The following MMP24 variants were observed in gnomAD, a reference collection of about 807,000 sequenced individuals.
The protein encoded by MMP24 is matrix metalloproteinase-24.
A neutral mutation model predicts 62.8 loss-of-function variants in MMP24; 25 were observed. The ratio of observed to expected loss-of-function variants is 0.40; its 90% CI spans 0.29 to 0.56. MMP24 has a LOEUF of 0.56. Ranked by LOEUF, MMP24 falls within the 20% of genes least tolerant of loss-of-function variation. The pLI, the probability that MMP24 is intolerant of heterozygous loss-of-function variation, is 0.50. For synonymous variants in MMP24, 319 were observed against 350.5 expected, an observed-to-expected ratio of 0.91 and a Z score of 1.00; for missense variants, 634 against 853.6, an observed-to-expected ratio of 0.74 and a Z score of 3.21.
rs142057986 is a variant in MMP24 at position 35,247,091 on chromosome 20, A to G, written c.395+103A>G. 13 of 1,379,346 alleles carry G rather than the reference A, an allele frequency of 9.4e-6. No homozygotes were observed. The African/African-American group carries it at 1.3e-4, about 14-fold the overall frequency. The allele number at this position is 1,379,346 out of a possible 1,614,324, so 85.4% of individuals were successfully genotyped here. A position where few individuals can be genotyped will look rare whatever the true frequency, so the allele number is the denominator to read the frequency against. ...CACCCCATGCCCATCCTCCCTTCCT[A>G]TCTTTTATTCCTGCAGTGCCATCCT... On this transcript the variant is annotated intron_variant, in intron 2 of 8. Coordinates refer to ENST00000246186, the MANE Select transcript of MMP24 (RefSeq NM_006690.4).
At chr20:35,237,920 C>T (rs1031417843) in intron 1 of MMP24, among the ~76,000 whole-genome samples, 1 of 152,126 alleles carries the variant, frequency 6.6e-6, no homozygotes, top group Non-Finnish European at 1.5e-5. Flanking sequence ...CAGCTTAGAA[C>T]TTGAATGCTA....
intron 1 of MMP24, among the ~76,000 whole-genome samples, chr20:35,246,503 G>A (rs1372915819): frequency 5.3e-5 from 8 of 152,068 alleles, no homozygotes; most frequent in Non-Finnish European, 1.0e-4. Flanking sequence ...TAACCATGCT[G>A]TGCTTTTCCA....
intron 1 of MMP24, among the ~76,000 whole-genome samples, chr20:35,241,494 C>T (rs1003645405): frequency 6.6e-6 from 1 of 152,128 alleles, no homozygotes; most frequent in African/African-American, 2.4e-5. Context: ...AGAGAATACA[C>T]TAATACTGGC....
rs1369087384 is a variant in MMP24, at chr20:35,274,707, C to G, written c.*98C>G. On this transcript the variant is annotated 3_prime_UTR_variant, in exon 9 of 9. Transcript: ENST00000246186. This position sits in a 1 kb window ranked among gnomAD's most constrained non-coding sequence, Gnocchi z 5.1. ...TCTGGCCAGTGCTCACCAGGGCCAG[C>G]AGGGCCCTAGGCTGGGGTCGTACAG... 9 of 1,086,970 alleles carry G rather than the reference C, an allele frequency of 8.3e-6. No individual in the cohort carries two copies. The highest frequency in any genetic ancestry group is 3.2e-5 in the African/African-American group (2 of 62,814). The allele number at this position is 1,086,970 out of a possible 1,614,324, so 67.3% of individuals were successfully genotyped here. A position where few individuals can be genotyped will look rare whatever the true frequency, so the allele number is the denominator to read the frequency against.
chr20:35,269,685 G>A lies in MMP24; in HGVS notation c.1195-75G>A, dbSNP rs2060656282. 2 of 1,513,842 alleles carry A rather than the reference G, an allele frequency of 1.3e-6. No homozygotes were observed. The highest frequency in any genetic ancestry group is 2.5e-5 in the East Asian group (1 of 40,698). 93.8% of individuals were successfully genotyped at this position (1,513,842 alleles called of 1,614,324 possible). A position where few individuals can be genotyped will look rare whatever the true frequency, so the allele number is the denominator to read the frequency against. On this transcript the variant is annotated intron_variant, in intron 6 of 8. Transcript: ENST00000246186. This position sits in a 1 kb window ranked among gnomAD's most constrained non-coding sequence, Gnocchi z 4.6. ...GGAGGGCTGGGCTGTTGGGACCTAAGCCCCACAGCTGCAATCACTGGGTTC... is the reference window on the plus strand; with the variant it reads ...GGAGGGCTGGGCTGTTGGGACCTAAACCCCACAGCTGCAATCACTGGGTTC...
intron 3 of MMP24, among the ~76,000 whole-genome samples, chr20:35,253,629 A>G (rs1394063824): frequency 6.6e-6 from 1 of 152,070 alleles, no homozygotes; most frequent in Non-Finnish European, 1.5e-5. Context: ...TTTGTGAAGA[A>G]CCAATGCAAT....
intron 6 of MMP24, among the ~76,000 whole-genome samples, chr20:35,267,724 A>T (rs2060643454): frequency 6.6e-6 from 1 of 152,202 alleles, no homozygotes; most frequent in Admixed American, 6.5e-5. Context: ...TCTCCATCCG[A>T]AACCTGGGGG....
At chr20:35,234,712 G>A (rs575832624) in intron 1 of MMP24, among the ~76,000 whole-genome samples, 4 of 152,316 alleles carry the variant, frequency 2.6e-5, no homozygotes, top group African/African-American at 9.6e-5. Flanking sequence ...GGTACTTGAG[G>A]TGAGCAATAA....
chr20:35,254,799 G>A lies in MMP24; in HGVS notation c.817+45G>A, dbSNP rs1241435393. 6.5e-6 allele frequency: 10 copies of A among 1,544,436 alleles called. No homozygotes were observed. The African/African-American group carries it at 1.2e-4, about 19-fold the overall frequency. On this transcript the variant is annotated intron_variant, in intron 4 of 8. Transcript: ENST00000246186. ...GGGGTCAGTCTTGGGCTGCTCAGTTGTTGGGAAAGAACTTGGAGGACATCC... is the reference window on the plus strand; with the variant it reads ...GGGGTCAGTCTTGGGCTGCTCAGTTATTGGGAAAGAACTTGGAGGACATCC...
chr20:35,249,652 G>A (rs1262421017), intron 2 of MMP24, among the ~76,000 whole-genome samples: 1 of 151,876 alleles, frequency 6.6e-6, no homozygotes, highest in Non-Finnish European at 1.5e-5. Context: ...GCAGTGGCGG[G>A]ATCTCGGCTC....
intron 1 of MMP24, among the ~76,000 whole-genome samples, chr20:35,236,535 G>A (rs546356041): frequency 2.2e-4 from 34 of 152,320 alleles, no homozygotes; most frequent in African/African-American, 8.2e-4. Flanking sequence ...GGGTAGAGGA[G>A]GAAGCAGGGT....
intron 8 of MMP24, among the ~76,000 whole-genome samples, chr20:35,273,272 T>C (rs2060683094): frequency 6.6e-6 from 1 of 151,818 alleles, no homozygotes; most frequent in South Asian, 2.1e-4. Flanking sequence ...GACATGTGCC[T>C]GTAGTCCCAG....
At chr20:35,238,988 C>T (rs757028240) in intron 1 of MMP24, among the ~76,000 whole-genome samples, 1 of 152,188 alleles carries the variant, frequency 6.6e-6, no homozygotes, top group Non-Finnish European at 1.5e-5. Context: ...ATCTTCCTGC[C>T]ACAGTCTCCA....
chr20:35,256,961 C>T (rs1161010559), intron 4 of MMP24, among the ~76,000 whole-genome samples: 1 of 152,114 alleles, frequency 6.6e-6, no homozygotes. Flanking sequence ...CCAGGCCCTT[C>T]CCACAGAAAT....
At chr20:35,261,227 CA>C (rs2060600974) in intron 4 of MMP24, among the ~76,000 whole-genome samples, 2 of 152,180 alleles carry the variant, frequency 1.3e-5, no homozygotes, top group Admixed American at 6.5e-5. Context: ...TACAGAAGCC[CA>C]GGGGAGTTGG....
At chr20:35,264,010 A>G in intron 5 of MMP24, 58 bp downstream of exon 5, 1 of 1,505,922 alleles carries the variant, frequency 6.6e-7, no homozygotes, top group Non-Finnish European at 8.9e-7. Flanking sequence ...GTGACTGCCT[A>G]CCTGTCATGG....
At chr20:35,249,590 TTC>T (rs1472352539) in intron 2 of MMP24, among the ~76,000 whole-genome samples, 1 of 150,142 alleles carries the variant, frequency 6.7e-6, no homozygotes, top group Non-Finnish European at 1.5e-5. Flanking sequence ...GAATAATAAT[TTC>T]TTTTTTTTTT....
rs1009723064 is a variant in MMP24, at chr20:35,276,453, G to A, written c.*1844G>A. 2 of 397,308 alleles carry A rather than the reference G, an allele frequency of 5.0e-6. No homozygotes were observed. Among genetic ancestry groups the A allele is most frequent in the African/African-American group, 2.1e-5 (1 of 48,618 alleles). The allele number at this position is 397,308 out of a possible 1,614,324, so 24.6% of individuals were successfully genotyped here. On this transcript the variant is annotated 3_prime_UTR_variant, in exon 9 of 9. Coordinates refer to ENST00000246186, the MANE Select transcript of MMP24 (RefSeq NM_006690.4). ...GACGGTAACTCTCACCGTGCCCTCA[G>A]ATGAAGCACAGAGAGGTTGTTACTT...
intron 4 of MMP24, among the ~76,000 whole-genome samples, chr20:35,255,517 G>A (rs1184269622): frequency 1.3e-5 from 2 of 152,046 alleles, no homozygotes; most frequent in Non-Finnish European, 2.9e-5. Flanking sequence ...AATTTACCCT[G>A]CACCACTATG....
Sources: gnomAD v4.1 joint callset for allele counts (sites outside exome capture counted in the v4.1 genomes callset) on GRCh38, gnomAD v4.1.1 for gene constraint, Gnocchi (gnomAD v3.1) non-coding constraint, MANE v1.5 for transcripts, NCBI Gene and HGNC (gene_info 2026-07-23, HGNC 2026-07-21) for gene names.